The following NCKAP5 variants were observed in gnomAD, a reference collection of about 807,000 sequenced individuals.
The protein encoded by NCKAP5 is nck-associated protein 5.
A neutral mutation model predicts 167.0 loss-of-function variants in NCKAP5; 92 were observed. The observed-to-expected ratio is 0.55, with a 90% CI of 0.47 to 0.66. NCKAP5 has a LOEUF of 0.66. Ranked by LOEUF, NCKAP5 falls within the 30% of genes least tolerant of loss-of-function variation. The probability of loss-of-function intolerance (pLI) is 0.00; values close to 1 mark genes in which losing one functional copy is unlikely to be tolerated. For synonymous variants in NCKAP5, 891 were observed against 877.4 expected (o/e 1.02, Z -0.27); for missense variants, 2,378 against 2,315.0 (o/e 1.03, Z -0.56).
chr2:132,797,696 G>A (rs1684715862), intron 11 of NCKAP5, among the ~76,000 whole-genome samples: 1 of 152,312 alleles, frequency 6.6e-6, no homozygotes, highest in Admixed American at 6.5e-5. Context: ...TCTAAGAAAT[G>A]CCTTTGCTTC....
intron 6 of NCKAP5, among the ~76,000 whole-genome samples, chr2:133,003,510 G>A (rs1041615689): frequency 1.3e-5 from 2 of 152,122 alleles, no homozygotes; most frequent in African/African-American, 2.4e-5. Flanking sequence ...ATCTAAGCAC[G>A]TAAGCAGGAA....
chr2:132,791,689 T>C (rs1208445408), intron 12 of NCKAP5, among the ~76,000 whole-genome samples: 1 of 152,228 alleles, frequency 6.6e-6, no homozygotes, highest in East Asian at 1.9e-4. Flanking sequence ...ACTTTGTGGG[T>C]GCCTTTCAGT....
At chr2:133,235,790 G>T (rs1203869614) in intron 4 of NCKAP5, among the ~76,000 whole-genome samples, 1 of 151,780 alleles carries the variant, frequency 6.6e-6, no homozygotes, top group African/African-American at 2.4e-5. Context: ...TGTAATCCCA[G>T]CTACTCGGGA....
In NCKAP5 at chr2:133,526,228, A is replaced by AAGGAAGGAAGGAAGGAAGG. The variant is rs1558755385; in HGVS notation, c.-61-8642_-61-8641insCCTTCCTTCCTTCCTTCCT. Among the ~76,000 whole-genome samples, 6 of 53,404 alleles carry AAGGAAGGAAGGAAGGAAGG rather than the reference A, an allele frequency of 1.1e-4. 1 individual carries two copies. The highest frequency in any genetic ancestry group is 1.4e-3 in the East Asian group (2 of 1,462). 35.0% of individuals were successfully genotyped at this position (53,404 alleles called of 152,430 possible). A position where few individuals can be genotyped will look rare whatever the true frequency, so the allele number is the denominator to read the frequency against. On this transcript the variant is annotated intron_variant, in intron 2 of 19. Coordinates refer to ENST00000409261, the MANE Select transcript of NCKAP5 (RefSeq NM_207363.3). ...GGAAGGAAGGAAGGAAGGAAGGAAG[A>AAGGAAGGAAGGAAGGAAGG]AAGGAAAGGAGGGAGGGAAGGAGGG...
intron 3 of NCKAP5, among the ~76,000 whole-genome samples, chr2:133,324,699 T>A (rs1245287270): frequency 6.6e-6 from 1 of 152,176 alleles, no homozygotes; most frequent in East Asian, 1.9e-4. Context: ...CTAAAGCACA[T>A]ACTGTATTCC....
intron 5 of NCKAP5, among the ~76,000 whole-genome samples, chr2:133,184,777 C>T (rs1046532681): frequency 1.2e-4 from 19 of 152,132 alleles, no homozygotes; most frequent in African/African-American, 4.6e-4. Flanking sequence ...TGAGAAGTGT[C>T]TATTCATGTT....
intron 8 of NCKAP5, among the ~76,000 whole-genome samples, chr2:132,909,675 G>A (rs999648792): frequency 2.0e-5 from 3 of 152,142 alleles, no homozygotes; most frequent in Admixed American, 6.5e-5. Flanking sequence ...TTCATCCATT[G>A]GGATAATTAC....
At chr2:132,900,772 C>A (rs1693558403) in intron 8 of NCKAP5, among the ~76,000 whole-genome samples, 1 of 151,756 alleles carries the variant, frequency 6.6e-6, no homozygotes, top group Non-Finnish European at 1.5e-5. Flanking sequence ...ACCAGCCTGG[C>A]CAACATGTGA....
intron 8 of NCKAP5, among the ~76,000 whole-genome samples, chr2:132,879,988 A>G (rs1574499185): frequency 6.6e-6 from 1 of 152,342 alleles, no homozygotes; most frequent in South Asian, 2.1e-4. Context: ...ATGAAATAAT[A>G]TCATTTGCAG....
intron 4 of NCKAP5, among the ~76,000 whole-genome samples, chr2:133,250,773 AC>A (rs978885192): frequency 6.6e-5 from 10 of 152,152 alleles, no homozygotes; most frequent in Non-Finnish European, 1.0e-4. Flanking sequence ...CTACATCTCT[AC>A]AAAAAATTAG....
At chr2:133,653,780 A>C in the NCKAP5 span, among the ~76,000 whole-genome samples, 1 of 152,198 alleles carries the variant, frequency 6.6e-6, no homozygotes, top group Admixed American at 6.5e-5. Context: ...TCAGCAAATA[A>C]AATGCTTCTG....
chr2:133,017,860 C>A (rs988972420), intron 6 of NCKAP5, among the ~76,000 whole-genome samples: 1 of 152,026 alleles, frequency 6.6e-6, no homozygotes, highest in Non-Finnish European at 1.5e-5. Context: ...CAATGGGCAA[C>A]ACTTCTCCCC....
At chr2:133,622,283 A>G in the NCKAP5 span, among the ~76,000 whole-genome samples, 1 of 147,004 alleles carries the variant, frequency 6.8e-6, no homozygotes, top group Non-Finnish European at 1.5e-5. Flanking sequence ...AGTCCTAGCC[A>G]GAGCAATCAG....
intron 4 of NCKAP5, among the ~76,000 whole-genome samples, chr2:133,233,728 A>T (rs2087261093): frequency 6.6e-6 from 1 of 152,230 alleles, no homozygotes; most frequent in African/African-American, 2.4e-5. Context: ...ATCACTGTGT[A>T]GCTGCTACTA....
chr2:133,460,662 A>G (rs963438736), intron 3 of NCKAP5, among the ~76,000 whole-genome samples: 4 of 152,232 alleles, frequency 2.6e-5, no homozygotes, highest in African/African-American at 7.2e-5. Flanking sequence ...TACAAACTAT[A>G]AACTGTAACT....
chr2:133,357,960 G>A (rs956458418), intron 3 of NCKAP5, among the ~76,000 whole-genome samples: 1 of 152,122 alleles, frequency 6.6e-6, no homozygotes, highest in African/African-American at 2.4e-5. Context: ...TGCTGAATAC[G>A]TTGCATTAAT....
At chr2:133,478,720 T>C (rs970706480) in intron 3 of NCKAP5, among the ~76,000 whole-genome samples, 4 of 152,158 alleles carry the variant, frequency 2.6e-5, no homozygotes, top group African/African-American at 9.7e-5. Flanking sequence ...TGCGATGCAT[T>C]TCAAATGTTT....
intron 6 of NCKAP5, among the ~76,000 whole-genome samples, chr2:133,096,563 A>T (rs2081350319): frequency 6.6e-6 from 1 of 152,198 alleles, no homozygotes; most frequent in East Asian, 1.9e-4. Flanking sequence ...ACAATTCTTG[A>T]TAACCCAAAC....
At chr2:133,265,770 C>T (rs986300169) in intron 4 of NCKAP5, among the ~76,000 whole-genome samples, 7 of 152,104 alleles carry the variant, frequency 4.6e-5, no homozygotes, top group African/African-American at 1.4e-4. Flanking sequence ...CTGCTGGGGC[C>T]GGGCCAGGGA....
Sources: gnomAD v4.1 joint callset for allele counts (sites outside exome capture counted in the v4.1 genomes callset) on GRCh38, gnomAD v4.1.1 for gene constraint, MANE v1.5 for transcripts, NCBI Gene and HGNC (gene_info 2026-07-23, HGNC 2026-07-21) for gene names.